GGCX: variants seen among roughly 807,000 people sequenced by gnomAD.
The protein encoded by GGCX is vitamin K-dependent gamma-carboxylase.
A neutral mutation model predicts 88.5 loss-of-function variants in GGCX; 63 were observed. The ratio of observed to expected loss-of-function variants is 0.71; its 90% CI spans 0.58 to 0.88. The LOEUF is 0.88. GGCX is among the 40% of genes least tolerant of loss of function. The pLI is 0.00. For synonymous variants in GGCX, 368 were observed against 365.8 expected, an observed-to-expected ratio of 1.01 and a Z score of -0.07; for missense variants, 805 against 932.9, an observed-to-expected ratio of 0.86 and a Z score of 1.79.
rs1402701621 is a variant in GGCX at position 85,547,436 on chromosome 2, C to T, written c.*2498G>A. ...GACCACTTTTTCTTTACACCTCACC[C>T]TACCCCAATATCTTCCTTGGGAAAA... On this transcript the variant is annotated 3_prime_UTR_variant, in exon 15 of 15. Transcript: ENST00000233838. 6.6e-6 allele frequency: 1 copy of T among 152,186 alleles called. No homozygotes were observed. The allele number at this position is 152,186 out of a possible 1,614,324, so 9.4% of individuals were successfully genotyped here.
In GGCX at chr2:85,549,845, T is replaced by C. The variant is rs1691846015; in HGVS notation, c.*89A>G. The C allele has an allele frequency of 1.3e-6, 1 of 741,970 alleles. No individual in the cohort carries two copies. Among genetic ancestry groups the C allele is most frequent in the Non-Finnish European group, 2.2e-6 (1 of 461,862 alleles). The allele number at this position is 741,970 out of a possible 1,614,324, so 46.0% of individuals were successfully genotyped here. On this transcript the variant is annotated 3_prime_UTR_variant, in exon 15 of 15. Coordinates refer to ENST00000233838, the MANE Select transcript of GGCX (RefSeq NM_000821.7). Reference sequence around the variant, plus strand: ...CCCCCCCAAAAAAAAAAAAAAAACTTTTGAGAATTTTTTTCAAATAAATGT... The same window carrying C: ...CCCCCCCAAAAAAAAAAAAAAAACTCTTGAGAATTTTTTTCAAATAAATGT...
At chr2:85,550,208 G>T in intron 14 of GGCX, 82 bp from the exon 15 acceptor site, 2 of 982,230 alleles carry the variant, frequency 2.0e-6, no homozygotes, top group South Asian at 1.3e-5. Context: ...GAAGGCACCT[G>T]GTCCTCACTC....
rs905852831 is a variant in GGCX, at chr2:85,552,438, T to A, written c.1417A>T (p.Ile473Phe). 6 of 1,614,084 alleles carry A rather than the reference T, an allele frequency of 3.7e-6. No individual in the cohort carries two copies. In the Middle Eastern group the frequency reaches 8.3e-4, roughly 222 times the overall value. ...PQIYFDIWVS[I>F]NDRFQQRIFD... ...CACCTCTGCTGGAAGCGGTCATTGA[T>A]GGAGACCCAAATATCAAAGTAGATC... Residue 473 changes from isoleucine (I) to phenylalanine (F), a missense_variant, in exon 10 of 15, where the codon ATC (isoleucine) becomes TTC (phenylalanine). By Grantham distance (21) the Ile-to-Phe change is conservative. Around this residue, in one of 3 missense-constraint regions of GGCX, gnomAD observed 680 missense variants for 763.7 expected, o/e 0.89. Transcript: ENST00000233838.
chr2:85,560,655 G>A (rs1692401633), intron 2 of GGCX, among the ~76,000 whole-genome samples, 160 bp downstream of exon 2: 1 of 151,240 alleles, frequency 6.6e-6, no homozygotes, highest in Admixed American at 6.6e-5. Flanking sequence ...AACTGTAGGA[G>A]ACAAAGCAGG....
chr2:85,546,618 C>CA lies in GGCX; in HGVS notation c.*3315dup, dbSNP rs1275312746. 6.6e-6 allele frequency: 1 copy of CA among 152,212 alleles called. No individual in the cohort carries two copies. The highest frequency in any genetic ancestry group is 2.4e-5 in the African/African-American group (1 of 41,414). 9.4% of individuals were successfully genotyped at this position (152,212 alleles called of 1,614,324 possible). On this transcript the variant is annotated 3_prime_UTR_variant, in exon 15 of 15. Transcript: ENST00000233838. Reference sequence around the variant, plus strand: ...CCAGCTACTCAGGAGGCTGGAGAATCACTTGAACCCAGGAGGCAGAGGTTG... The same window carrying CA: ...CCAGCTACTCAGGAGGCTGGAGAATCAACTTGAACCCAGGAGGCAGAGGTTG...
Position 85,547,563 on chromosome 2 carries a change from G to A in GGCX, c.*2371C>T, listed in dbSNP as rs1691738791. The A allele has an allele frequency of 1.3e-5, 2 of 152,204 alleles. No individual in the cohort carries two copies. Among genetic ancestry groups the A allele is most frequent in the African/African-American group, 4.8e-5 (2 of 41,522 alleles). 9.4% of individuals were successfully genotyped at this position (152,204 alleles called of 1,614,324 possible). A position where few individuals can be genotyped will look rare whatever the true frequency, so the allele number is the denominator to read the frequency against. ...AGTGTCTTCTCCCAAGTAACTCTTGGGACTTTTGTTACCAGTCAAGTAGGT... is the reference window on the plus strand; with the variant it reads ...AGTGTCTTCTCCCAAGTAACTCTTGAGACTTTTGTTACCAGTCAAGTAGGT... On this transcript the variant is annotated 3_prime_UTR_variant, in exon 15 of 15. Transcript: ENST00000233838.
chr2:85,554,372 CA>C (rs1692112064), intron 6 of GGCX, 66 bp from the exon 7 acceptor site: 1 of 1,441,078 alleles, frequency 6.9e-7, no homozygotes, highest in Admixed American at 1.7e-5. Flanking sequence ...ACATTCACAG[CA>C]CGAATGTGCC....
At position 85,553,442 on chromosome 2, in the gene GGCX, C is replaced by T. The variant is rs1443030380; in HGVS notation, c.945G>A (p.Trp315Ter). The T allele has an allele frequency of 1.2e-6, 2 of 1,613,790 alleles. No individual in the cohort carries two copies. Among genetic ancestry groups the T allele is most frequent in the East Asian group, 2.2e-5 (1 of 44,892 alleles). Residue 315 changes from tryptophan (W) to a stop codon, truncating the protein, a stop_gained, in exon 8 of 15, where the codon TGG becomes TGA. Coordinates refer to ENST00000233838, the MANE Select transcript of GGCX (RefSeq NM_000821.7). LOFTEE classifies it high-confidence loss of function. Reference protein sequence around the residue: ...ASSPLFCSPEWPRKLVSYCPR... With the variant: ...ASSPLFCSPE ...GGCAGTAGGACACCAGCTTCCGAGG[C>T]CACTCAGGGGAGCAGAAGAGAGGGC...
In GGCX at chr2:85,546,084, T is replaced by G. The variant is rs1691647583; in HGVS notation, c.*3850A>C. The G allele has an allele frequency of 6.6e-6, 1 of 152,080 alleles. No homozygotes were observed. Among genetic ancestry groups the G allele is most frequent in the Non-Finnish European group, 1.5e-5 (1 of 68,020 alleles). The allele number at this position is 152,080 out of a possible 1,614,324, so 9.4% of individuals were successfully genotyped here. A position where few individuals can be genotyped will look rare whatever the true frequency, so the allele number is the denominator to read the frequency against. On this transcript the variant is annotated 3_prime_UTR_variant, in exon 15 of 15. Transcript: ENST00000233838. ...GTCCTGCAAATGTAGAGCCAAGGAG[T>G]GCTTGCTTATGCCTGTTTGCATGGA... is the stretch of plus-strand genomic sequence containing the variant.
intron 4 of GGCX, among the ~76,000 whole-genome samples, chr2:85,557,161 G>A (rs1246321415): frequency 1.3e-5 from 2 of 152,100 alleles, no homozygotes; most frequent in South Asian, 2.1e-4. Context: ...CAGCACCATC[G>A]ACCTTACAGG....
At chr2:85,555,439 C>T (rs753081051) in intron 6 of GGCX, 45 bp downstream of exon 6, 1 of 970,056 alleles carries the variant, frequency 1.0e-6, no homozygotes, top group Admixed American at 1.7e-5. Flanking sequence ...GTCACCTGCT[C>T]TGTACCCATG....
Position 85,549,844 on chromosome 2 carries a change from T to G in GGCX, c.*90A>C. 6 of 578,678 alleles carry G rather than the reference T, an allele frequency of 1.0e-5. No individual in the cohort carries two copies. Among genetic ancestry groups the G allele is most frequent in the Non-Finnish European group, 1.1e-5 (4 of 350,472 alleles). 35.8% of individuals were successfully genotyped at this position (578,678 alleles called of 1,614,324 possible). Reference sequence around the variant, plus strand: ...GCCCCCCCAAAAAAAAAAAAAAAACTTTTGAGAATTTTTTTCAAATAAATG... The same window carrying G: ...GCCCCCCCAAAAAAAAAAAAAAAACGTTTGAGAATTTTTTTCAAATAAATG... On this transcript the variant is annotated 3_prime_UTR_variant, in exon 15 of 15. Coordinates refer to ENST00000233838, the MANE Select transcript of GGCX (RefSeq NM_000821.7).
At position 85,558,553 on chromosome 2, in the gene GGCX, G is replaced by A. The variant is rs764858044; in HGVS notation, c.426C>T (p.Phe142=). Residue 142 remains phenylalanine, a synonymous_variant, in exon 4 of 15, where the codon TTC becomes TTT. Transcript: ENST00000233838. ...GLCYRISCVL[F]LLPYWYVFLL... is the part of the protein sequence containing the mutation. ...GAAACACATACCAGTATGGCAGCAG[G>A]AATAACACACAGCTTATCCGGTAGC... 2 of 1,613,088 alleles carry A rather than the reference G, an allele frequency of 1.2e-6. No homozygotes were observed. Among genetic ancestry groups the A allele is most frequent in the South Asian group, 2.2e-5 (2 of 91,054 alleles).
Position 85,550,610 on chromosome 2 carries a change from AAGG to A in GGCX, c.2026_2028del (p.Pro676del). The A allele has an allele frequency of 6.2e-7, 1 of 1,614,058 alleles. No individual in the cohort carries two copies. The highest frequency in any genetic ancestry group is 8.5e-7 in the Non-Finnish European group (1 of 1,179,910). On this transcript the variant is annotated inframe_deletion, in exon 14 of 15. Coordinates refer to ENST00000233838, the MANE Select transcript of GGCX (RefSeq NM_000821.7). ...AAGAAGCGGAAGAATCGCTCATGGA[AAGG>A]AGTATTTCGCCGGCGTTCAATCTCC... is the stretch of plus-strand genomic sequence containing the variant.
intron 10 of GGCX, 78 bp from the exon 11 acceptor site, chr2:85,552,059 T>G (rs1691983417): frequency 9.3e-7 from 1 of 1,077,244 alleles, no homozygotes; most frequent in African/African-American, 1.6e-5. Flanking sequence ...CCTTTCATCA[T>G]CATTCCTAAG....
Position 85,546,095 on chromosome 2 carries a change from GC to G in GGCX, c.*3838del, listed in dbSNP as rs1236586054. ...GTAGAGCCAAGGAGTGCTTGCTTAT[GC>G]CTGTTTGCATGGAGACTTAAAAACT... is the stretch of plus-strand genomic sequence containing the variant. On this transcript the variant is annotated 3_prime_UTR_variant, in exon 15 of 15. Transcript: ENST00000233838. 1 of 152,208 alleles carries G rather than the reference GC, an allele frequency of 6.6e-6. No homozygotes were observed. The highest frequency in any genetic ancestry group is 1.5e-5 in the Non-Finnish European group (1 of 68,054). The allele number at this position is 152,208 out of a possible 1,614,324, so 9.4% of individuals were successfully genotyped here. A position where few individuals can be genotyped will look rare whatever the true frequency, so the allele number is the denominator to read the frequency against.
rs1375788347 is a variant in GGCX, at chr2:85,544,729, CTT to C, written c.*5203_*5204del. 1 of 152,508 alleles carries C rather than the reference CTT, an allele frequency of 6.6e-6. No individual in the cohort carries two copies. Among genetic ancestry groups the C allele is most frequent in the African/African-American group, 2.4e-5 (1 of 41,386 alleles). 9.4% of individuals were successfully genotyped at this position (152,508 alleles called of 1,614,324 possible). A position where few individuals can be genotyped will look rare whatever the true frequency, so the allele number is the denominator to read the frequency against. On this transcript the variant is annotated 3_prime_UTR_variant, in exon 15 of 15. Transcript: ENST00000233838. ...ACAATAACTCCTCCCAGGGTTTTAA[CTT>C]TGTTTTATTTTCAAAACCAGGTCCA...
At chr2:85,559,624 A>C (rs1012765273) in intron 2 of GGCX, among the ~76,000 whole-genome samples, 8 of 152,270 alleles carry the variant, frequency 5.3e-5, no homozygotes, top group African/African-American at 1.9e-4. Context: ...CTGAAGCAGG[A>C]GAATCACTTG....
In GGCX at chr2:85,561,414, G is replaced by A. The variant is rs199867398; in HGVS notation, c.15C>T (p.Ala5=). 403 of 1,570,348 alleles carry A rather than the reference G, an allele frequency of 2.6e-4. No individual in the cohort carries two copies. The East Asian group carries it at 5.4e-3, about 21-fold the overall frequency. ...AGCTGGGCGAGGTCCGCGCGGACCC[G>A]GCAGACACCGCCATTGCTCTGCGGA... The part of the protein sequence containing the change: MAVS[A]GSARTSPSSD... Residue 5 remains alanine (A), a synonymous_variant, in exon 1 of 15, where the codon GCC becomes GCT. Coordinates refer to ENST00000233838, the MANE Select transcript of GGCX (RefSeq NM_000821.7).
Sources: allele counts gnomAD v4.1 joint callset (sites outside exome capture counted in the v4.1 genomes callset), GRCh38; gene constraint gnomAD v4.1.1; regional missense constraint gnomAD v4.1.1; transcripts MANE v1.5; gene names NCBI Gene and HGNC (gene_info 2026-07-23, HGNC 2026-07-21).